C2orf92: variants seen among roughly 807,000 people sequenced by gnomAD.
C2orf92 encodes the protein uncharacterized protein C2orf92.
chr2:97,679,252 C>G (rs1372483136), intron 3 of C2orf92, among the ~76,000 whole-genome samples: 1 of 151,808 alleles, frequency 6.6e-6, no homozygotes, highest in African/African-American at 2.4e-5. Context: ...ATAACTTCTG[C>G]CTTTTAAAAA....
chr2:97,677,827 C>T (rs528026114), intron 3 of C2orf92: 2 of 152,110 alleles, frequency 1.3e-5, no homozygotes, highest in South Asian at 4.2e-4. Flanking sequence ...TTAAGGAAAT[C>T]AGGAAAACAA....
At chr2:97,693,142 T>C (rs961963594) in intron 5 of C2orf92, among the ~76,000 whole-genome samples, 3 of 152,258 alleles carry the variant, frequency 2.0e-5, no homozygotes, top group Non-Finnish European at 2.9e-5. Flanking sequence ...ATGCATGTTG[T>C]AGCATATGAC....
intron 5 of C2orf92, chr2:97,698,137 T>G (rs1676368158): frequency 6.6e-6 from 1 of 152,176 alleles, no homozygotes; most frequent in Non-Finnish European, 1.5e-5. Flanking sequence ...TCCTTTCCCA[T>G]TCCCTCTTTG....
At chr2:97,686,417 AT>A (rs953095757) in intron 3 of C2orf92, among the ~76,000 whole-genome samples, 265 of 147,336 alleles carry the variant, frequency 1.8e-3, no homozygotes, top group African/African-American at 3.5e-3. Flanking sequence ...GTTTCAGTCG[AT>A]TTTTTTTTTT....
intron 5 of C2orf92, among the ~76,000 whole-genome samples, chr2:97,693,353 T>G (rs564606123): frequency 3.3e-5 from 5 of 152,310 alleles, no homozygotes; most frequent in African/African-American, 1.2e-4. Flanking sequence ...AGAAGTGGGA[T>G]TGTGGGGTCA....
intron 5 of C2orf92, among the ~76,000 whole-genome samples, chr2:97,695,818 C>G (rs1026563056): frequency 2.0e-5 from 3 of 152,034 alleles, no homozygotes; most frequent in African/African-American, 7.3e-5. Context: ...GTGGCGCAAT[C>G]TTGGCTCATT....
intron 5 of C2orf92, 96 bp from the exon 6 acceptor site, chr2:97,698,930 C>T (rs1676403645): frequency 2.5e-6 from 1 of 396,112 alleles, no homozygotes; most frequent in Non-Finnish European, 4.4e-6. Flanking sequence ...TCCCTAACTC[C>T]TCACTTTGAG....
intron 3 of C2orf92, among the ~76,000 whole-genome samples, chr2:97,684,286 C>G (rs200220123): frequency 2.0e-5 from 3 of 152,112 alleles, no homozygotes; most frequent in Non-Finnish European, 4.4e-5. Flanking sequence ...CCGCCCACCT[C>G]GGCCTCCCAA....
At chr2:97,699,638 C>T (rs529943656) in intron 6 of C2orf92, among the ~76,000 whole-genome samples, 10 of 152,024 alleles carry the variant, frequency 6.6e-5, no homozygotes, top group African/African-American at 2.2e-4. Flanking sequence ...AACCCAACTC[C>T]GGGAATTTCA....
At chr2:97,688,683 CA>C (rs2104578287) in intron 3 of C2orf92, among the ~76,000 whole-genome samples, 1 of 152,198 alleles carries the variant, frequency 6.6e-6, no homozygotes, top group South Asian at 2.1e-4. Context: ...GTTTACTGCC[CA>C]GGATGTCTCA....
intron 3 of C2orf92, among the ~76,000 whole-genome samples, chr2:97,688,414 A>G (rs528907740): frequency 6.6e-6 from 1 of 152,338 alleles, no homozygotes; most frequent in African/African-American, 2.4e-5. Context: ...CAGAAGCCTG[A>G]GAACTTAAAA....
At chr2:97,687,126 AG>A (rs1408943978) in intron 3 of C2orf92, among the ~76,000 whole-genome samples, 1 of 151,574 alleles carries the variant, frequency 6.6e-6, no homozygotes, top group Non-Finnish European at 1.5e-5. Flanking sequence ...ACACTTTGCA[AG>A]GCTGAGGTGG....
rs564637580 is a variant in C2orf92 at position 97,678,924 on chromosome 2, G to A, written c.232+2996G>A. Among the ~76,000 whole-genome samples the A allele has an allele frequency of 3.3e-5, 5 of 151,806 alleles. 1 individual carries two copies. Among genetic ancestry groups the A allele is most frequent in the African/African-American group, 1.2e-4 (5 of 41,362 alleles). On this transcript the variant is annotated intron_variant, in intron 3 of 7. Transcript: ENST00000627399. The stretch of plus-strand genomic sequence containing the variant: ...GCCTGGGAAGTCCAGGCTGCAGTGA[G>A]CTGAGATTGCCCCACTGCATTCCAG...
chr2:97,680,607 T>C (rs1675736587), intron 3 of C2orf92, among the ~76,000 whole-genome samples: 1 of 152,180 alleles, frequency 6.6e-6, no homozygotes, highest in Non-Finnish European at 1.5e-5. Flanking sequence ...GAGACTTCAG[T>C]ATCCTCCTCT....
chr2:97,683,668 A>G (rs1306377974), intron 3 of C2orf92, among the ~76,000 whole-genome samples: 2 of 152,220 alleles, frequency 1.3e-5, no homozygotes, highest in African/African-American at 4.8e-5. Context: ...TGGAATTTCA[A>G]ATGCTTCAAA....
chr2:97,691,359 G>T (rs1216889921), intron 5 of C2orf92, among the ~76,000 whole-genome samples: 2 of 152,180 alleles, frequency 1.3e-5, no homozygotes, highest in African/African-American at 4.8e-5. Context: ...GGGTGGTGGG[G>T]CTGGGCAGTG....
At chr2:97,702,583 G>A (rs1025271445) in intron 7 of C2orf92, 86 bp from the exon 8 acceptor site, 7 of 397,784 alleles carry the variant, frequency 1.8e-5, no homozygotes, top group East Asian at 7.1e-5. Flanking sequence ...GCTGGGAAGC[G>A]TCAGCCTCCA....
chr2:97,688,977 G>A lies in C2orf92; in HGVS notation c.315G>A (p.Lys105=). ...CAACAGCAGTCAGATCCATTACAAA[G>A]ACAGACATGAGAAAAGGCAAGTGTA... is the stretch of plus-strand genomic sequence containing the variant. ...NEATAVRSIT[K]TDMRKGTSIA... is the part of the protein sequence containing the mutation. The change falls in exon 4 of 8, where the codon AAG becomes AAA. Residue 105 remains lysine (K), a synonymous_variant. Coordinates refer to ENST00000627399, the MANE Select transcript of C2orf92 (RefSeq NM_001351368.2). 1 of 398,572 alleles carries A rather than the reference G, an allele frequency of 2.5e-6. No homozygotes were observed. The highest frequency in any genetic ancestry group is 4.4e-6 in the Non-Finnish European group (1 of 226,066). The allele number at this position is 398,572 out of a possible 1,614,324, so 24.7% of individuals were successfully genotyped here. A position where few individuals can be genotyped will look rare whatever the true frequency, so the allele number is the denominator to read the frequency against.
At chr2:97,691,901 A>G (rs1318832980) in intron 5 of C2orf92, among the ~76,000 whole-genome samples, 1 of 152,142 alleles carries the variant, frequency 6.6e-6, no homozygotes, top group Non-Finnish European at 1.5e-5. Context: ...GATTACAGGC[A>G]TGAGCCACCG....
Sources: gnomAD v4.1 joint callset for allele counts (sites outside exome capture counted in the v4.1 genomes callset) on GRCh38, gnomAD v4.1.1 for gene constraint, MANE v1.5 for transcripts, NCBI Gene and HGNC (gene_info 2026-07-23, HGNC 2026-07-21) for gene names.